Variants in BMP2K observed in about 807,000 individuals in gnomAD.
BMP2K encodes BMP-2-inducible protein kinase.
BMP2K carries 74 observed loss-of-function variants against 116.0 expected under a neutral mutation model. The ratio of observed to expected loss-of-function variants is 0.64; its 90% confidence interval spans 0.53 to 0.77. The LOEUF is 0.77. BMP2K is among the 30% of genes least tolerant of loss of function. The pLI is 0.00. For missense variants in BMP2K, 1,365 were observed against 1,403.6 expected, an observed-to-expected ratio of 0.97 and a Z score of 0.44; for synonymous variants, 486 against 502.5, an observed-to-expected ratio of 0.97 and a Z score of 0.44.
chr4:78,840,730 T>C (rs1248806439), intron 3 of BMP2K, among the ~76,000 whole-genome samples: 1 of 152,138 alleles, frequency 6.6e-6, no homozygotes, highest in African/African-American at 2.4e-5. Flanking sequence ...ATATAGTTTT[T>C]AGTTTTCTCT....
chr4:78,870,355 G>GCTAC (rs1732268491), intron 10 of BMP2K, among the ~76,000 whole-genome samples: 2 of 152,332 alleles, frequency 1.3e-5, no homozygotes, highest in South Asian at 4.1e-4. Flanking sequence ...GAGTGGAAGT[G>GCTAC]CTAGATGAAG....
Position 78,810,987 on chromosome 4 carries a change from T to C in BMP2K, c.179-15050T>C, listed in dbSNP as rs576202899. 3.5e-4 allele frequency among the ~76,000 whole-genome samples: 53 copies of C among 152,314 alleles called. No homozygotes were observed. In the South Asian group the frequency reaches 3.9e-3, roughly 11 times the overall value. ...TCACTTCTGATATTTTTATACGTGT[T>C]TTTCCTTTCAAGCTTTACCTCTTTG... On this transcript the variant is annotated intron_variant, in intron 1 of 15. Coordinates refer to ENST00000502613, the MANE Select transcript of BMP2K (RefSeq NM_198892.2).
At chr4:78,788,625 G>A (rs944267891) in intron 1 of BMP2K, among the ~76,000 whole-genome samples, 1 of 151,884 alleles carries the variant, frequency 6.6e-6, no homozygotes. Context: ...ACAAGTGAAG[G>A]TAGCTGTTAT....
At chr4:78,841,140 C>A (rs941203211) in intron 3 of BMP2K, among the ~76,000 whole-genome samples, 1 of 152,048 alleles carries the variant, frequency 6.6e-6, no homozygotes, top group Non-Finnish European at 1.5e-5. Flanking sequence ...CTTTAAAATT[C>A]TATGAGAAAA....
chr4:78,834,747 G>A (rs1730386224), intron 3 of BMP2K, among the ~76,000 whole-genome samples: 1 of 152,080 alleles, frequency 6.6e-6, no homozygotes, highest in Non-Finnish European at 1.5e-5. Flanking sequence ...AAAAAGAGGG[G>A]GATGATGGTG....
intron 13 of BMP2K, among the ~76,000 whole-genome samples, chr4:78,873,704 G>GTGTGTGTGTGTGTA (rs1732492381): frequency 6.9e-6 from 1 of 143,914 alleles, no homozygotes; most frequent in Non-Finnish European, 1.5e-5. Flanking sequence ...GTGTGTGTGT[G>GTGTGTGTGTGTGTA]TATGCATGCA....
intron 1 of BMP2K, among the ~76,000 whole-genome samples, chr4:78,812,392 T>C (rs1389092195): frequency 1.3e-5 from 2 of 152,190 alleles, no homozygotes; most frequent in Admixed American, 1.3e-4. Flanking sequence ...ATATCTCTTG[T>C]TTTTATCTCT....
intron 6 of BMP2K, among the ~76,000 whole-genome samples, chr4:78,850,448 T>C (rs560005464): frequency 6.6e-6 from 1 of 152,012 alleles, no homozygotes; most frequent in Non-Finnish European, 1.5e-5. Flanking sequence ...AATAATGAGG[T>C]GTACCTGGTA....
intron 4 of BMP2K, among the ~76,000 whole-genome samples, chr4:78,843,055 T>C (rs542206312): frequency 1.4e-4 from 22 of 152,118 alleles, no homozygotes; most frequent in African/African-American, 4.3e-4. Context: ...TGACCTCTTA[T>C]ATTGGTACCC....
intron 1 of BMP2K, among the ~76,000 whole-genome samples, chr4:78,780,545 C>G (rs958129304): frequency 1.3e-5 from 2 of 152,126 alleles, no homozygotes; most frequent in African/African-American, 4.8e-5. Context: ...TAGATTTAAG[C>G]ATTATATCTC....
intron 2 of BMP2K, among the ~76,000 whole-genome samples, chr4:78,827,336 C>T (rs1032473559): frequency 5.9e-5 from 9 of 151,980 alleles, no homozygotes; most frequent in African/African-American, 2.2e-4. Flanking sequence ...AAGACCTATT[C>T]GTAGCCCCCT....
intron 1 of BMP2K, among the ~76,000 whole-genome samples, chr4:78,807,674 G>A (rs934344694): frequency 1.3e-4 from 20 of 150,694 alleles, no homozygotes; most frequent in African/African-American, 2.7e-4. Context: ...GGAATTTATC[G>A]GTTTCACCCA....
At chr4:78,777,599 T>A (rs1387575498) in intron 1 of BMP2K, among the ~76,000 whole-genome samples, 1 of 152,198 alleles carries the variant, frequency 6.6e-6, no homozygotes, top group Non-Finnish European at 1.5e-5. Flanking sequence ...GGCCTTTGAG[T>A]TTTTAGTTGC....
intron 15 of BMP2K, among the ~76,000 whole-genome samples, chr4:78,891,465 C>A (rs543634228): frequency 6.6e-6 from 1 of 152,238 alleles, no homozygotes; most frequent in African/African-American, 2.4e-5. Context: ...TTTTTTCTTC[C>A]TCTTTCTGGA....
intron 1 of BMP2K, among the ~76,000 whole-genome samples, chr4:78,817,613 G>C (rs1309752664): frequency 1.3e-5 from 2 of 152,074 alleles, no homozygotes; most frequent in African/African-American, 4.8e-5. Context: ...TCTGAACCTT[G>C]TATTCAGTGC....
chr4:78,807,314 C>CT (rs529799408), intron 1 of BMP2K, among the ~76,000 whole-genome samples: 1 of 151,894 alleles, frequency 6.6e-6, no homozygotes, highest in Non-Finnish European at 1.5e-5. Context: ...GGAATGTAAT[C>CT]TTTTTTTAAT....
At chr4:78,842,070 A>G (rs1483276062) in intron 3 of BMP2K, among the ~76,000 whole-genome samples, 2 of 152,068 alleles carry the variant, frequency 1.3e-5, no homozygotes, top group Admixed American at 1.3e-4. Flanking sequence ...TTTAGCCCAT[A>G]AATAGTATGG....
rs1577910057 is a variant in BMP2K at position 78,833,765 on chromosome 4, G to C, written c.403+78G>C. 11 of 900,378 alleles carry C rather than the reference G, an allele frequency of 1.2e-5. No homozygotes were observed. The East Asian group carries it at 2.8e-4, about 23-fold the overall frequency. 55.8% of individuals were successfully genotyped at this position (900,378 alleles called of 1,614,324 possible). ...TTACTAGGTATCTTTGTTATTTCCA[G>C]GGTAGCTGCTAACTAATTCTAGTCA... On this transcript the variant is annotated intron_variant, in intron 3 of 15. Transcript: ENST00000502613.
At chr4:78,910,097 A>T (rs566329063) in intron 15 of BMP2K, among the ~76,000 whole-genome samples, 2 of 152,212 alleles carry the variant, frequency 1.3e-5, no homozygotes, top group African/African-American at 4.8e-5. Context: ...TGCTAAGTCA[A>T]TTCAAAAGAT....
Sources: allele counts gnomAD v4.1 joint callset (sites outside exome capture counted in the v4.1 genomes callset), GRCh38; gene constraint gnomAD v4.1.1; transcripts MANE v1.5; gene names NCBI Gene and HGNC (gene_info 2026-07-23, HGNC 2026-07-21).